Variants in NXPE2 observed in about 807,000 individuals in gnomAD.
NXPE2 encodes NXPE family member 2.
A neutral mutation model predicts 34.4 loss-of-function variants in NXPE2; 34 were observed. The observed-to-expected ratio is 0.99, with a 90% confidence interval of 0.75 to 1.31. The LOEUF (loss-of-function observed/expected upper bound fraction) is 1.31. NXPE2 is among the 40% of genes most tolerant of loss of function. NXPE2 has a pLI of 0.00. For synonymous variants in NXPE2, 235 were observed against 231.3 expected (o/e 1.02, Z -0.15); for missense variants, 649 against 672.5 (o/e 0.97, Z 0.39).
the NXPE2 span, among the ~76,000 whole-genome samples, chr11:114,659,234 T>C: frequency 6.6e-6 from 1 of 152,120 alleles, no homozygotes; most frequent in African/African-American, 2.4e-5. Flanking sequence ...GTATGAGATG[T>C]ACAGAAAAGG....
the NXPE2 span, among the ~76,000 whole-genome samples, chr11:114,811,500 G>C: frequency 4.6e-5 from 7 of 152,114 alleles, no homozygotes; most frequent in Non-Finnish European, 7.4e-5. Context: ...ACCAGGCTAG[G>C]GGAAAAGAAT....
chr11:114,741,039 T>C, the NXPE2 span, among the ~76,000 whole-genome samples: 1 of 152,230 alleles, frequency 6.6e-6, no homozygotes. Flanking sequence ...CTTTCCTTTG[T>C]CTGGGAAAGT....
At chr11:114,785,009 A>C in the NXPE2 span, among the ~76,000 whole-genome samples, 1 of 152,112 alleles carries the variant, frequency 6.6e-6, no homozygotes, top group Admixed American at 6.5e-5. Flanking sequence ...GACCAGTCTT[A>C]TTTAGCTCCC....
At chr11:114,724,031 A>G in the NXPE2 span, among the ~76,000 whole-genome samples, 1 of 152,144 alleles carries the variant, frequency 6.6e-6, no homozygotes, top group Non-Finnish European at 1.5e-5. Flanking sequence ...AAAATCACAA[A>G]CTAAGAAACT....
the NXPE2 span, among the ~76,000 whole-genome samples, chr11:114,480,148 G>A: frequency 2.6e-3 from 393 of 152,204 alleles, 1 homozygote; most frequent in African/African-American, 8.4e-3. Context: ...TTTGGAGGGG[G>A]ACACACATCC....
At chr11:114,494,021 C>G in the NXPE2 span, among the ~76,000 whole-genome samples, 1 of 151,956 alleles carries the variant, frequency 6.6e-6, no homozygotes, top group African/African-American at 2.4e-5. Flanking sequence ...TATGTTATGC[C>G]ACTCACTCTT....
the NXPE2 span, among the ~76,000 whole-genome samples, chr11:114,603,761 T>C: frequency 2.0e-5 from 3 of 151,670 alleles, no homozygotes; most frequent in Non-Finnish European, 4.4e-5. Flanking sequence ...TATTTCCTCG[T>C]CTCCTAGGTA....
the NXPE2 span, chr11:114,522,830 A>T: frequency 7.3e-7 from 1 of 1,365,736 alleles, no homozygotes. Context: ...CATTAAAAGT[A>T]CTTTAAAACC....
chr11:114,797,240 C>T, the NXPE2 span, among the ~76,000 whole-genome samples: 114 of 152,320 alleles, frequency 7.5e-4, no homozygotes, highest in Non-Finnish European at 1.2e-3. Context: ...AAGTGCCTAG[C>T]ATACAGCAGA....
At chr11:114,473,379 C>T in the NXPE2 span, among the ~76,000 whole-genome samples, 1 of 152,250 alleles carries the variant, frequency 6.6e-6, no homozygotes, top group African/African-American at 2.4e-5. Context: ...ATAAAAACTA[C>T]ATGTAGTTTC....
At chr11:114,591,301 G>A in the NXPE2 span, among the ~76,000 whole-genome samples, 189 of 152,276 alleles carry the variant, frequency 1.2e-3, no homozygotes, top group Middle Eastern at 6.8e-3. Flanking sequence ...AATTCTCCAT[G>A]CTCATGCTAC....
the NXPE2 span, among the ~76,000 whole-genome samples, chr11:114,781,437 A>G: frequency 4.6e-5 from 7 of 152,288 alleles, no homozygotes; most frequent in African/African-American, 7.2e-5. Flanking sequence ...GAAAAGGGTG[A>G]TGGGATTTAG....
chr11:114,796,752 T>C, the NXPE2 span, among the ~76,000 whole-genome samples: 1 of 152,182 alleles, frequency 6.6e-6, no homozygotes, highest in Non-Finnish European at 1.5e-5. Flanking sequence ...GAAACAGACA[T>C]GTAACTAACC....
chr11:114,677,316 A>T (rs1043245173), upstream of NXPE2, among the ~76,000 whole-genome samples: 6 of 152,112 alleles, frequency 3.9e-5, no homozygotes, highest in Non-Finnish European at 4.4e-5. Flanking sequence ...GGTGATGGAT[A>T]TGTTAATTAG....
the NXPE2 span, chr11:114,522,807 A>G: frequency 9.3e-7 from 1 of 1,072,552 alleles, no homozygotes; most frequent in Non-Finnish European, 1.4e-6. Context: ...CTCAAACGAG[A>G]GAATAGAGAC....
chr11:114,594,538 T>C, the NXPE2 span: 1 of 666,860 alleles, frequency 1.5e-6, no homozygotes, highest in East Asian at 2.6e-5. Flanking sequence ...GTATGTTGTT[T>C]GGTATCTAGC....
chr11:114,613,769 G>A, the NXPE2 span, among the ~76,000 whole-genome samples: 1 of 151,924 alleles, frequency 6.6e-6, no homozygotes, highest in East Asian at 1.9e-4. Flanking sequence ...AATAAGTGTT[G>A]CCTGGTGGGT....
chr11:114,766,851 C>T, the NXPE2 span, among the ~76,000 whole-genome samples: 3 of 152,118 alleles, frequency 2.0e-5, no homozygotes, highest in Admixed American at 6.5e-5. Flanking sequence ...GAAACTACTA[C>T]AGTGCTGGGC....
the NXPE2 span, among the ~76,000 whole-genome samples, chr11:114,474,142 A>T: frequency 6.6e-6 from 1 of 152,176 alleles, no homozygotes; most frequent in Admixed American, 6.5e-5. Flanking sequence ...AGCCGCCATA[A>T]GGAGAGATAT....
Sources: gnomAD v4.1 joint callset for allele counts (sites outside exome capture counted in the v4.1 genomes callset) on GRCh38, gnomAD v4.1.1 for gene constraint, MANE v1.5 for transcripts, NCBI Gene and HGNC (gene_info 2026-07-23, HGNC 2026-07-21) for gene names.